The following DEAF1 variants were observed in gnomAD, a reference collection of about 807,000 sequenced individuals.
DEAF1 encodes the protein DEAF1 transcription factor, also known as deformed epidermal autoregulatory factor 1 homolog.
In DEAF1, 53 loss-of-function variants were observed where a neutral mutation model predicts 58.9. The ratio of observed to expected loss-of-function variants is 0.90; its 90% confidence interval spans 0.72 to 1.13. The LOEUF (loss-of-function observed/expected upper bound fraction) is 1.13, where lower values mean the gene tolerates loss of function less well. Among genes scored for constraint, DEAF1 ranks in the 50% most tolerant of loss-of-function variants. The probability of loss-of-function intolerance (pLI) is 0.00; values close to 1 mark genes in which losing one functional copy is unlikely to be tolerated. For synonymous variants in DEAF1, 385 were observed against 340.4 expected, an observed-to-expected ratio of 1.13 and a Z score of -1.44; for missense variants, 685 against 791.4, an observed-to-expected ratio of 0.87 and a Z score of 1.61.
chr11:658,749 C>T (rs912205702), intron 10 of DEAF1, among the ~76,000 whole-genome samples: 42 of 152,384 alleles, frequency 2.8e-4, no homozygotes, highest in African/African-American at 8.7e-4. Context: ...GCAGCGGGTC[C>T]AGCCCCTCAG....
At chr11:703,370 T>A in intron 1 of DEAF1, 1 of 1,389,168 alleles carries the variant, frequency 7.2e-7, no homozygotes. Flanking sequence ...GCGGGGAGGG[T>A]AGGGACCAGA....
At chr11:653,488 GTCTC>G (rs1185668872) in intron 11 of DEAF1, among the ~76,000 whole-genome samples, 1 of 116,418 alleles carries the variant, frequency 8.6e-6, no homozygotes, top group African/African-American at 3.5e-5. Context: ...ACTGTGGACA[GTCTC>G]TCTCGCGTGG....
intron 1 of DEAF1, among the ~76,000 whole-genome samples, chr11:693,088 C>T (rs1376792269): frequency 1.3e-5 from 2 of 152,134 alleles, no homozygotes; most frequent in African/African-American, 2.4e-5. Context: ...GTCAGCTGTT[C>T]GTAATTTTTA....
At chr11:687,029 C>T in intron 4 of DEAF1, 32 bp from the exon 5 acceptor site, 1 of 1,612,860 alleles carries the variant, frequency 6.2e-7, no homozygotes, top group East Asian at 2.2e-5. Context: ...ATGATGATGG[C>T]AGGTGGGAAC....
At chr11:653,846 G>A (rs575757848) in intron 11 of DEAF1, 116 bp downstream of exon 11, 3 of 896,390 alleles carry the variant, frequency 3.3e-6, no homozygotes, top group East Asian at 2.4e-5. Context: ...CAGAGGGAGG[G>A]ACAGGGAGGG....
Position 663,834 on chromosome 11 carries a change from C to T in DEAF1, c.1504-9783G>A, listed in dbSNP as rs553890832. ...GTCCGGTCTGCTGGACTCTAGGAGA[C>T]GGCCACATCACGGAAAGCACTGTGG... On this transcript the variant is annotated intron_variant, in intron 10 of 11. Coordinates refer to ENST00000382409, the MANE Select transcript of DEAF1 (RefSeq NM_021008.4). Among the ~76,000 whole-genome samples, 65 of 152,332 alleles carry T rather than the reference C, an allele frequency of 4.3e-4. No homozygotes were observed. In the South Asian group the frequency reaches 0.013, roughly 31 times the overall value.
intron 7 of DEAF1, among the ~76,000 whole-genome samples, chr11:680,483 G>A (rs1418622595): frequency 6.6e-6 from 1 of 152,226 alleles, no homozygotes; most frequent in Non-Finnish European, 1.5e-5. Context: ...GGTGGCACGT[G>A]CCTGTGGTCC....
At chr11:692,854 A>AG (rs34383402) in intron 1 of DEAF1, among the ~76,000 whole-genome samples, 1 of 50,744 alleles carries the variant, frequency 2.0e-5, no homozygotes, top group Non-Finnish European at 5.5e-5. Flanking sequence ...ACTCCGTCTC[A>AG]AAAAAAAAAA....
intron 4 of DEAF1, among the ~76,000 whole-genome samples, chr11:687,654 C>A (rs1023567961): frequency 6.6e-5 from 10 of 152,150 alleles, no homozygotes; most frequent in African/African-American, 1.7e-4. Context: ...CCTGCCACCA[C>A]GCTCCACTAA....
At chr11:697,601 C>T (rs551747277), upstream of DEAF1, 2 of 152,184 alleles carry the variant, frequency 1.3e-5, no homozygotes, top group African/African-American at 4.8e-5. Flanking sequence ...CTAGCAGACA[C>T]ATTGGAAGTG....
chr11:646,911 A>C, intron 11 of DEAF1, among the ~76,000 whole-genome samples: 1 of 152,148 alleles, frequency 6.6e-6, no homozygotes, highest in East Asian at 1.9e-4. Flanking sequence ...AAAAACAATG[A>C]CTTCGGGAGG....
At chr11:654,339 G>A (rs1294112231) in intron 10 of DEAF1, among the ~76,000 whole-genome samples, 1 of 151,014 alleles carries the variant, frequency 6.6e-6, no homozygotes, top group African/African-American at 2.5e-5. Flanking sequence ...GCTAATTTGT[G>A]TATTTTTAGT....
Position 693,973 on chromosome 11 carries a change from G to C in DEAF1, c.289+786C>G, listed in dbSNP as rs1035683882. 2.6e-5 allele frequency among the ~76,000 whole-genome samples: 4 copies of C among 152,272 alleles called. No individual in the cohort carries two copies. The South Asian group carries it at 6.2e-4, about 24-fold the overall frequency. On this transcript the variant is annotated intron_variant, in intron 1 of 11. Transcript: ENST00000382409. Reference sequence around the variant, plus strand: ...CACAGGTGGCTCCGCAGCCCCCCTGGGCCACCACACAGCCACGCTGACCTC... The same window carrying C: ...CACAGGTGGCTCCGCAGCCCCCCTGCGCCACCACACAGCCACGCTGACCTC...
chr11:701,359 T>G (rs1367678913), intron 1 of DEAF1, among the ~76,000 whole-genome samples: 2 of 133,070 alleles, frequency 1.5e-5, no homozygotes, highest in Admixed American at 7.8e-5. Flanking sequence ...CAGCTAATTT[T>G]GTTTTGTTTT....
chr11:680,275 G>T (rs898083348), intron 7 of DEAF1, among the ~76,000 whole-genome samples: 8 of 152,150 alleles, frequency 5.3e-5, no homozygotes, highest in Non-Finnish European at 1.2e-4. Context: ...AGACTCTGCT[G>T]CTGTGGGACT....
intron 1 of DEAF1, among the ~76,000 whole-genome samples, chr11:700,459 G>A (rs1275795891): frequency 1.3e-5 from 2 of 151,816 alleles, no homozygotes; most frequent in Non-Finnish European, 2.9e-5. Flanking sequence ...CCCGGGAGGT[G>A]GAGGTTCCAG....
At chr11:702,795 A>G (rs1335569822) in intron 1 of DEAF1, 2 of 720,394 alleles carry the variant, frequency 2.8e-6, no homozygotes, top group Non-Finnish European at 4.4e-6. Flanking sequence ...CTGGGTGGCC[A>G]TGGAGGCTGT....
At chr11:681,356 T>C (rs561413328) in intron 6 of DEAF1, among the ~76,000 whole-genome samples, 7 of 151,892 alleles carry the variant, frequency 4.6e-5, no homozygotes, top group South Asian at 4.2e-4. Context: ...GTTAGTCTCC[T>C]GAGTAGCTGG....
At chr11:664,495 G>A (rs1859453099) in intron 10 of DEAF1, among the ~76,000 whole-genome samples, 1 of 76,108 alleles carries the variant, frequency 1.3e-5, no homozygotes, top group Non-Finnish European at 2.7e-5. Context: ...ACCGAGAGGA[G>A]GAGGACAGGG....
Sources: allele counts gnomAD v4.1 joint callset (sites outside exome capture counted in the v4.1 genomes callset), GRCh38; gene constraint gnomAD v4.1.1; transcripts MANE v1.5; gene names NCBI Gene and HGNC (gene_info 2026-07-23, HGNC 2026-07-21).